The following VSTM5 variants were observed in gnomAD, a reference collection of about 807,000 sequenced individuals.
VSTM5 encodes V-set and transmembrane domain-containing protein 5.
Under a neutral mutation model 20.3 loss-of-function variants are expected in VSTM5, and 21 were observed. The ratio of observed to expected loss-of-function variants is 1.03; its 90% CI spans 0.73 to 1.49. VSTM5 has a LOEUF of 1.49. Ranked by LOEUF, VSTM5 falls within the 40% of genes most tolerant of loss-of-function variation. VSTM5 has a pLI of 0.00. For missense variants in VSTM5, 219 were observed against 250.0 expected (o/e 0.88, Z 0.84); for synonymous variants, 100 against 102.5 (o/e 0.98, Z 0.14).
chr11:93,835,738 C>T (rs57167180), intron 1 of VSTM5, among the ~76,000 whole-genome samples: 171 of 152,290 alleles, frequency 1.1e-3, no homozygotes, highest in African/African-American at 3.8e-3. Context: ...TCAAAATCAA[C>T]ATCTTCAAAG....
At chr11:93,847,022 C>A (rs771963544) in intron 1 of VSTM5, among the ~76,000 whole-genome samples, 18 of 152,124 alleles carry the variant, frequency 1.2e-4, no homozygotes, top group Non-Finnish European at 2.6e-4. Context: ...GGCTCGGCCT[C>A]CCAAAGTGCT....
intron 1 of VSTM5, among the ~76,000 whole-genome samples, chr11:93,830,912 C>T (rs1371382405): frequency 1.3e-5 from 2 of 151,852 alleles, no homozygotes; most frequent in Non-Finnish European, 2.9e-5. Context: ...TGGCCAGGCC[C>T]GGCTATTTTT....
chr11:93,839,158 G>A (rs894067473), intron 1 of VSTM5, among the ~76,000 whole-genome samples: 4 of 152,246 alleles, frequency 2.6e-5, no homozygotes, highest in Non-Finnish European at 4.4e-5. Flanking sequence ...TGTCCCGAGA[G>A]TGTGAACTTA....
intron 1 of VSTM5, among the ~76,000 whole-genome samples, chr11:93,822,690 A>T (rs1331085729): frequency 1.3e-5 from 2 of 151,832 alleles, no homozygotes; most frequent in Non-Finnish European, 2.9e-5. Context: ...GGGTTTTGTC[A>T]TGTTGGCCAG....
intron 1 of VSTM5, among the ~76,000 whole-genome samples, chr11:93,827,403 C>T (rs1944247699): frequency 6.6e-6 from 1 of 152,132 alleles, no homozygotes; most frequent in Non-Finnish European, 1.5e-5. Context: ...TAATCTATAA[C>T]AAAGATGAAA....
chr11:93,842,459 T>C (rs1944378325), intron 1 of VSTM5, among the ~76,000 whole-genome samples: 1 of 152,228 alleles, frequency 6.6e-6, no homozygotes, highest in African/African-American at 2.4e-5. Flanking sequence ...GCCACCTTGC[T>C]GGAAAGCTGG....
At chr11:93,835,238 AG>A (rs1944314175) in intron 1 of VSTM5, among the ~76,000 whole-genome samples, 1 of 152,090 alleles carries the variant, frequency 6.6e-6, no homozygotes, top group Non-Finnish European at 1.5e-5. Flanking sequence ...CAGCCTGGGC[AG>A]AAAAACAAGA....
chr11:93,832,055 C>A (rs1379241616), intron 1 of VSTM5, among the ~76,000 whole-genome samples: 2 of 152,194 alleles, frequency 1.3e-5, no homozygotes, highest in Non-Finnish European at 2.9e-5. Flanking sequence ...AATAATTTAT[C>A]CTACAGATAA....
chr11:93,832,119 A>G (rs1228983658), intron 1 of VSTM5, among the ~76,000 whole-genome samples: 1 of 152,234 alleles, frequency 6.6e-6, no homozygotes, highest in African/African-American at 2.4e-5. Context: ...AAAGCACAGT[A>G]CAGTCAATTG....
intron 1 of VSTM5, among the ~76,000 whole-genome samples, chr11:93,828,103 C>A (rs1313038458): frequency 5.3e-5 from 8 of 152,176 alleles, no homozygotes; most frequent in African/African-American, 1.7e-4. Context: ...TTAGACTATG[C>A]AATCTTGGCC....
chr11:93,820,498 A>G lies in VSTM5; in HGVS notation c.*71T>C. The G allele has an allele frequency of 6.6e-6, 10 of 1,514,776 alleles. No homozygotes were observed. In the South Asian group the frequency reaches 7.3e-5, roughly 11 times the overall value. The allele number at this position is 1,514,776 out of a possible 1,614,324, so 93.8% of individuals were successfully genotyped here. A position where few individuals can be genotyped will look rare whatever the true frequency, so the allele number is the denominator to read the frequency against. On this transcript the variant is annotated 3_prime_UTR_variant, in exon 4 of 4. Coordinates refer to ENST00000409977, the MANE Select transcript of VSTM5 (RefSeq NM_001144871.2). ...CAGGACCACACACAATGGGTATAAT[A>G]GCTGTGCTTGCTCTTTTTGTTGGAG...
chr11:93,835,273 A>T (rs80237690), intron 1 of VSTM5, among the ~76,000 whole-genome samples: 2 of 151,940 alleles, frequency 1.3e-5, no homozygotes, highest in African/African-American at 4.8e-5. Flanking sequence ...AAAAAAAAAA[A>T]TTAGCCAGGT....
chr11:93,827,683 C>T (rs551783870), intron 1 of VSTM5: 1 of 151,274 alleles, frequency 6.6e-6, no homozygotes, highest in East Asian at 1.9e-4. Context: ...CAGATGAAAC[C>T]CCTTATTCTG....
chr11:93,830,703 G>A (rs1483360531), intron 1 of VSTM5, among the ~76,000 whole-genome samples: 1 of 152,002 alleles, frequency 6.6e-6, no homozygotes, highest in African/African-American at 2.4e-5. Flanking sequence ...CCCCAAGTCT[G>A]CTGAGAGTCA....
intron 1 of VSTM5, among the ~76,000 whole-genome samples, chr11:93,830,456 ATCGT>A (rs200412506): frequency 0.046 from 7,002 of 152,274 alleles, 492 homozygotes; most frequent in African/African-American, 0.16. Flanking sequence ...AGACCGCAAG[ATCGT>A]TCGTTATAGA....
At chr11:93,836,067 A>T (rs1944320388) in intron 1 of VSTM5, among the ~76,000 whole-genome samples, 1 of 152,194 alleles carries the variant, frequency 6.6e-6, no homozygotes, top group Non-Finnish European at 1.5e-5. Flanking sequence ...TCCACAGGAC[A>T]CCATCCTGAC....
chr11:93,837,810 G>A (rs1202986536), intron 1 of VSTM5, among the ~76,000 whole-genome samples: 4 of 152,088 alleles, frequency 2.6e-5, no homozygotes, highest in African/African-American at 9.7e-5. Flanking sequence ...ATAATACATG[G>A]TGTGCCTCAG....
chr11:93,844,663 G>C (rs191267203), intron 1 of VSTM5, among the ~76,000 whole-genome samples: 247 of 152,260 alleles, frequency 1.6e-3, no homozygotes, highest in Admixed American at 2.8e-3. Context: ...CCAGTGCTAA[G>C]AACTTTCTCT....
Position 93,820,397 on chromosome 11 carries a change from T to C in VSTM5, c.*172A>G, listed in dbSNP as rs760180923. 1.5e-5 allele frequency: 10 copies of C among 675,234 alleles called. No individual in the cohort carries two copies. Among genetic ancestry groups the C allele is most frequent in the Non-Finnish European group, 2.5e-5 (10 of 396,544 alleles). The allele number at this position is 675,234 out of a possible 1,614,324, so 41.8% of individuals were successfully genotyped here. A position where few individuals can be genotyped will look rare whatever the true frequency, so the allele number is the denominator to read the frequency against. ...TTAGCGCGAGTCCTAATACTAGCTT[T>C]GTCCCATCCACAGTCCTCAACTCCA... On this transcript the variant is annotated 3_prime_UTR_variant, in exon 4 of 4. Transcript: ENST00000409977.
Sources: allele counts gnomAD v4.1 joint callset (sites outside exome capture counted in the v4.1 genomes callset), GRCh38; gene constraint gnomAD v4.1.1; transcripts MANE v1.5; gene names NCBI Gene and HGNC (gene_info 2026-07-23, HGNC 2026-07-21).